KCNN4: variants seen among roughly 807,000 people sequenced by gnomAD.
KCNN4 encodes the protein potassium calcium-activated channel subfamily N member 4.
In KCNN4, 31 loss-of-function variants were observed where a neutral mutation model predicts 45.2. That is an observed-to-expected ratio of 0.69 (90% confidence interval 0.52 to 0.92). The LOEUF (loss-of-function observed/expected upper bound fraction) is 0.92, where lower values mean the gene tolerates loss of function less well. Ranked by LOEUF, KCNN4 falls within the 40% of genes least tolerant of loss-of-function variation. KCNN4 has a pLI of 0.00. For missense variants in KCNN4, 463 were observed against 574.0 expected (o/e 0.81, Z 1.98); for synonymous variants, 231 against 254.6 (o/e 0.91, Z 0.88).
Position 43,772,141 on chromosome 19 carries a change from G to C in KCNN4, c.684-6C>G. ...CAGTGGCATTAACAGCCTGCCTATG[G>C]GGAAGGGTAGGTTAGTTCTAAAACC... On this transcript the variant is annotated splice_polypyrimidine_tract_variant and splice_region_variant and intron_variant, in intron 3 of 8. Coordinates refer to ENST00000648319, the MANE Select transcript of KCNN4 (RefSeq NM_002250.3). This position sits in a 1 kb window ranked among gnomAD's most constrained non-coding sequence, Gnocchi z 4.4. 6.2e-7 allele frequency: 1 copy of C among 1,613,190 alleles called. No homozygotes were observed. Among genetic ancestry groups the C allele is most frequent in the Non-Finnish European group, 8.5e-7 (1 of 1,179,714 alleles).
chr19:43,780,318 C>A (rs555029319), intron 1 of KCNN4, among the ~76,000 whole-genome samples: 1 of 151,872 alleles, frequency 6.6e-6, no homozygotes, highest in East Asian at 1.9e-4. Flanking sequence ...AGCCAAAGCC[C>A]CTCCTCCCTC....
In KCNN4 at chr19:43,774,563, C is replaced by A. The variant is rs767013557; in HGVS notation, c.312G>T (p.Gln104His). 1 of 1,555,324 alleles carries A rather than the reference C, an allele frequency of 6.4e-7. No homozygotes were observed. The highest frequency in any genetic ancestry group is 8.6e-7 in the Non-Finnish European group (1 of 1,159,856). Reference sequence around the variant, plus strand: ...CCAGCTCCAGCACGATCTGCGCCGCCTGCCGCCCGGTCAGCGCCACGCGCC... The same window carrying A: ...CCAGCTCCAGCACGATCTGCGCCGCATGCCGCCCGGTCAGCGCCACGCGCC... The part of the protein sequence containing the change: ...RDWRVALTGR[Q>H]AAQIVLELVV... The change falls in exon 3 of 9, where the codon CAG (glutamine) becomes CAT (histidine). Residue 104 changes from glutamine (Q) to histidine (H), a missense_variant. Around this residue, in one of 3 missense-constraint regions of KCNN4, gnomAD observed 225 missense variants for 240.9 expected, o/e 0.93. Transcript: ENST00000648319. This position sits in a 1 kb window ranked among gnomAD's most constrained non-coding sequence, Gnocchi z 5.6.
At position 43,768,954 on chromosome 19, in the gene KCNN4, T is replaced by C. The variant is rs757208047; in HGVS notation, c.1119+9A>G. 6.2e-6 allele frequency: 10 copies of C among 1,613,890 alleles called. No homozygotes were observed. In the South Asian group the frequency reaches 9.9e-5, roughly 16 times the overall value. On this transcript the variant is annotated intron_variant, in intron 7 of 8. Coordinates refer to ENST00000648319, the MANE Select transcript of KCNN4 (RefSeq NM_002250.3). Reference sequence around the variant, plus strand: ...TTCTTCAAGACCTCCTCCCACGGGATCCTAGTACCTTGGAGATGTCCACCA... The same window carrying C: ...TTCTTCAAGACCTCCTCCCACGGGACCCTAGTACCTTGGAGATGTCCACCA...
In KCNN4 at chr19:43,774,726, G is replaced by C. The variant is rs1969749936; in HGVS notation, c.256-107C>G. 1 of 950,066 alleles carries C rather than the reference G, an allele frequency of 1.1e-6. No individual in the cohort carries two copies. The highest frequency in any genetic ancestry group is 1.5e-6 in the Non-Finnish European group (1 of 677,992). 58.9% of individuals were successfully genotyped at this position (950,066 alleles called of 1,614,324 possible). ...TGAGATAAGTGGGGTGTGCCGCCTG[G>C]CCAGGAGGGAGGGAGTGCAGGGCGG... On this transcript the variant is annotated intron_variant, in intron 2 of 8. Coordinates refer to ENST00000648319, the MANE Select transcript of KCNN4 (RefSeq NM_002250.3). This position sits in a 1 kb window ranked among gnomAD's most constrained non-coding sequence, Gnocchi z 5.6.
At position 43,780,426 on chromosome 19, in the gene KCNN4, C is replaced by T. The variant is rs1284500077; in HGVS notation, c.159+277G>A. Among the ~76,000 whole-genome samples, 100 of 116,546 alleles carry T rather than the reference C, an allele frequency of 8.6e-4. 1 individual carries two copies. The highest frequency in any genetic ancestry group is 1.3e-3 in the Admixed American group (15 of 11,202). The allele number at this position is 116,546 out of a possible 152,430, so 76.5% of individuals were successfully genotyped here. ...TCAGACCCAGGAGTCCAGACCCCAG[C>T]CCCTCCTCCCTCAGACCCAGGAGTC... On this transcript the variant is annotated intron_variant, in intron 1 of 8. Transcript: ENST00000648319.
rs1354357654 is a variant in KCNN4 at position 43,767,548 on chromosome 19, T to G, written c.1279A>C (p.Lys427Gln). 1 of 1,613,548 alleles carries G rather than the reference T, an allele frequency of 6.2e-7. No individual in the cohort carries two copies. The highest frequency in any genetic ancestry group is 8.5e-7 in the Non-Finnish European group (1 of 1,179,902). The part of the protein sequence containing the change: ...RQLPEPSQQS[K>Q] ...AGTCCCAGCCCCCTCACCAGCTACT[T>G]GGACTGCTGGCTGGGTTCTGGAAGC... The change falls in exon 8 of 9, where the codon AAG becomes CAG. Residue 427 changes from lysine (K) to glutamine (Q), a missense_variant. Lys to Gln is a moderately conservative substitution (Grantham distance 53). Around this residue, in one of 3 missense-constraint regions of KCNN4, gnomAD observed 129 missense variants for 149.4 expected, o/e 0.86. Transcript: ENST00000648319.
rs766351876 is a variant in KCNN4 at position 43,776,604 on chromosome 19, C to T, written c.192G>A (p.Thr64=). 15 of 1,613,860 alleles carry T rather than the reference C, an allele frequency of 9.3e-6. No homozygotes were observed. The highest frequency in any genetic ancestry group is 8.8e-5 in the South Asian group (8 of 91,072). ...WALYLFLVKC[T]ISISTFLLLC... is the part of the protein sequence containing the mutation. ...GGAGTAAGAAGGTGGAAATGCTGAT[C>T]GTGCATTTAACCAGGAACAGGTAGA... The change falls in exon 2 of 9, where the codon ACG becomes ACA. Residue 64 remains threonine (T), a synonymous_variant. Coordinates refer to ENST00000648319, the MANE Select transcript of KCNN4 (RefSeq NM_002250.3).
At chr19:43,778,680 G>T (rs1969884979) in intron 1 of KCNN4, among the ~76,000 whole-genome samples, 1 of 151,880 alleles carries the variant, frequency 6.6e-6, no homozygotes, top group African/African-American at 2.4e-5. Flanking sequence ...TTCTCTCCAT[G>T]TATCTCTGTG....
chr19:43,767,202 G>A, intron 8 of KCNN4, 113 bp from the exon 9 acceptor site: 1 of 261,006 alleles, frequency 3.8e-6, no homozygotes, highest in Non-Finnish European at 7.6e-6. Context: ...ACAGGGGGCA[G>A]GTGTTTCCGG....
Position 43,774,496 on chromosome 19 carries a change from A to C in KCNN4, c.379T>G (p.Cys127Gly). 1.9e-6 allele frequency: 3 copies of C among 1,597,828 alleles called. No homozygotes were observed. The highest frequency in any genetic ancestry group is 2.6e-6 in the Non-Finnish European group (3 of 1,173,590). Residue 127 changes from cysteine to glycine, a missense_variant, in exon 3 of 9, where the codon TGC becomes GGC. Transcript: ENST00000648319. This position sits in a 1 kb window ranked among gnomAD's most constrained non-coding sequence, Gnocchi z 5.6. Reference protein sequence around the residue: ...LHPAPVRGPPCVQDLGAPLTS... With the variant: ...LHPAPVRGPPGVQDLGAPLTS... The stretch of plus-strand genomic sequence containing the variant: ...AGCGGCGCCCCTAAATCCTGCACGC[A>C]CGGCGGGCCCCGCACGGGCGCCGGG...
rs983775559 is a variant in KCNN4 at position 43,774,423 on chromosome 19, A to T, written c.452T>A (p.Leu151Gln). The change falls in exon 3 of 9, where the codon CTG becomes CAG. Residue 151 changes from leucine to glutamine, a missense_variant. Leu to Gln is a moderately radical substitution (Grantham distance 113). This residue lies in a region of KCNN4 where 225 missense variants were observed against 240.9 expected (regional missense o/e 0.93). Coordinates refer to ENST00000648319, the MANE Select transcript of KCNN4 (RefSeq NM_002250.3). The surrounding 1 kb of genome is among the most constrained non-coding windows in gnomAD (Gnocchi z 5.6). ...ACGCAGCAGCATGGCCAGGGACAGC[A>T]GCGCTTCCCCTTGGCCCAGGAATCC... Reference protein sequence around the residue: ...WPGFLGQGEALLSLAMLLRLY... With the variant: ...WPGFLGQGEAQLSLAMLLRLY... The T allele has an allele frequency of 6.3e-7, 1 of 1,597,190 alleles. No homozygotes were observed. The highest frequency in any genetic ancestry group is 8.5e-7 in the Non-Finnish European group (1 of 1,172,010).
In KCNN4 at chr19:43,769,444, G is replaced by A. The variant is rs201650911; in HGVS notation, c.1047C>T (p.Asn349=). The A allele has an allele frequency of 8.1e-5, 130 of 1,613,110 alleles. No homozygotes were observed. Among genetic ancestry groups the A allele is most frequent in the Non-Finnish European group, 1.0e-4 (120 of 1,179,230 alleles). The change falls in exon 6 of 9, where the codon AAC becomes AAT. Residue 349 remains asparagine (N), a splice_region_variant and synonymous_variant. Transcript: ENST00000648319. This position sits in a 1 kb window ranked among gnomAD's most constrained non-coding sequence, Gnocchi z 4.4. ...RHQRKLLAAI[N]AFRQVRLKHR... ...TGTGCATACAAAGCGGCCCTCACGCGTTGATGGCGGCCAGCAGCTTGCGCT... is the reference window on the plus strand; with the variant it reads ...TGTGCATACAAAGCGGCCCTCACGCATTGATGGCGGCCAGCAGCTTGCGCT...
Position 43,769,912 on chromosome 19 carries a change from C to A in KCNN4, c.820-83G>T. ...CCGCCCAACAGCCACAGACGGTAGG[C>A]ACGACCATCCCCAGTTAGCAGACAA... On this transcript the variant is annotated intron_variant, in intron 4 of 8. Transcript: ENST00000648319. The surrounding 1 kb of genome is among the most constrained non-coding windows in gnomAD (Gnocchi z 4.4). 1.2e-6 allele frequency: 1 copy of A among 858,544 alleles called. No homozygotes were observed. The highest frequency in any genetic ancestry group is 1.5e-5 in the South Asian group (1 of 67,478). 53.2% of individuals were successfully genotyped at this position (858,544 alleles called of 1,614,324 possible). A position where few individuals can be genotyped will look rare whatever the true frequency, so the allele number is the denominator to read the frequency against.
intron 1 of KCNN4, among the ~76,000 whole-genome samples, chr19:43,780,345 G>T (rs1200416399): frequency 6.7e-4 from 97 of 145,538 alleles, no homozygotes; most frequent in African/African-American, 2.1e-3. Context: ...AAGAGTCTAG[G>T]CCCCCAACCT....
chr19:43,780,487 T>TCCAAGTCCCCAGCCCCTCCTCCCTCAGAC (rs1256273777), intron 1 of KCNN4, among the ~76,000 whole-genome samples: 1 of 90,586 alleles, frequency 1.1e-5, no homozygotes, highest in African/African-American at 4.5e-5. Flanking sequence ...GACCCAGGAG[T>TCCAAGTCCCCAGCCCCTCCTCCCTCAGAC]CCAGGCCCTC....
At position 43,780,853 on chromosome 19, in the gene KCNN4, C is replaced by T. The variant is rs2146476947; in HGVS notation, c.9G>A (p.Gly3=). The change falls in exon 1 of 9, where the codon GGG becomes GGA. Residue 3 remains glycine (G), a synonymous_variant. Coordinates refer to ENST00000648319, the MANE Select transcript of KCNN4 (RefSeq NM_002250.3). Reference sequence around the variant, plus strand: ...AGGCCCCCAGGCCAAGCACCAGATCCCCGCCCATGGCCCCCGGGGTCTTGG... The same window carrying T: ...AGGCCCCCAGGCCAAGCACCAGATCTCCGCCCATGGCCCCCGGGGTCTTGG... MG[G]DLVLGLGALR... is the part of the protein sequence containing the mutation. 1.2e-6 allele frequency: 2 copies of T among 1,613,962 alleles called. No individual in the cohort carries two copies. Among genetic ancestry groups the T allele is most frequent in the Non-Finnish European group, 1.7e-6 (2 of 1,179,954 alleles).
intron 3 of KCNN4, among the ~76,000 whole-genome samples, chr19:43,773,613 G>T (rs1464658815): frequency 2.0e-5 from 3 of 152,194 alleles, no homozygotes; most frequent in Non-Finnish European, 4.4e-5. Context: ...AGGACCACTG[G>T]CTGAGATCAC....
chr19:43,774,591 T>A lies in KCNN4; in HGVS notation c.284A>T (p.Asp95Val). The A allele has an allele frequency of 6.6e-7, 1 of 1,518,244 alleles. No individual in the cohort carries two copies. The allele number at this position is 1,518,244 out of a possible 1,614,324, so 94.0% of individuals were successfully genotyped here. A position where few individuals can be genotyped will look rare whatever the true frequency, so the allele number is the denominator to read the frequency against. The change falls in exon 3 of 9, where the codon GAC becomes GTC. Residue 95 changes from aspartate to valine, a missense_variant. Asp to Val is a radical substitution (Grantham distance 152). This residue lies in a region of KCNN4 where 225 missense variants were observed against 240.9 expected (regional missense o/e 0.93). Coordinates refer to ENST00000648319, the MANE Select transcript of KCNN4 (RefSeq NM_002250.3). The surrounding 1 kb of genome is among the most constrained non-coding windows in gnomAD (Gnocchi z 5.6). ...CCGCCCGGTCAGCGCCACGCGCCAG[T>A]CCCGCAGCCCGTTGTCGGTCATGAA... ...QLFMTDNGLR[D>V]WRVALTGRQA...
intron 1 of KCNN4, chr19:43,776,892 G>T: frequency 2.3e-6 from 1 of 425,976 alleles, no homozygotes. Flanking sequence ...AAGGTCGGGA[G>T]TTTGAGACCC....
Sources: allele counts gnomAD v4.1 joint callset (sites outside exome capture counted in the v4.1 genomes callset), GRCh38; gene constraint gnomAD v4.1.1; regional missense constraint gnomAD v4.1.1; non-coding constraint Gnocchi (gnomAD v3.1); transcripts MANE v1.5; gene names NCBI Gene and HGNC (gene_info 2026-07-23, HGNC 2026-07-21).